Variants in ANAPC5 observed in about 807,000 individuals in gnomAD.
ANAPC5 encodes the protein anaphase-promoting complex subunit 5.
In ANAPC5, 60 loss-of-function variants were observed where a neutral mutation model predicts 91.3. The observed-to-expected ratio is 0.66, with a 90% CI of 0.53 to 0.81. The LOEUF (loss-of-function observed/expected upper bound fraction) is 0.81, where lower values mean the gene tolerates loss of function less well. Ranked by LOEUF, ANAPC5 falls within the 40% of genes least tolerant of loss-of-function variation. The pLI is 0.00. For synonymous variants in ANAPC5, 340 were observed against 364.1 expected (o/e 0.93, Z 0.75); for missense variants, 690 against 931.5 (o/e 0.74, Z 3.37).
intron 15 of ANAPC5, among the ~76,000 whole-genome samples, chr12:121,317,668 G>A (rs1053806475): frequency 6.6e-6 from 1 of 152,244 alleles, no homozygotes; most frequent in African/African-American, 2.4e-5. Context: ...AAGGCCTCAG[G>A]TACGAAGATA....
intron 1 of ANAPC5, among the ~76,000 whole-genome samples, chr12:121,350,352 T>C (rs1340464806): frequency 2.0e-5 from 3 of 152,208 alleles, no homozygotes; most frequent in African/African-American, 7.2e-5. Context: ...CAACAGACAA[T>C]GCTTATCCAT....
chr12:121,332,748 G>C (rs1310582597), intron 7 of ANAPC5: 4 of 152,106 alleles, frequency 2.6e-5, no homozygotes, highest in Non-Finnish European at 5.9e-5. Flanking sequence ...GCCTGGGCCT[G>C]AGTAAATCAG....
In ANAPC5 at chr12:121,320,393, G is replaced by T. The variant is rs1049230924; in HGVS notation, c.1507C>A (p.His503Asn). Residue 503 changes from histidine (H) to asparagine (N), a missense_variant, in exon 12 of 17, where the codon CAC (histidine) becomes AAC (asparagine). By Grantham distance (68) the His-to-Asn change is moderately conservative. This residue lies in a region of ANAPC5 where 317 missense variants were observed against 438.7 expected (regional missense o/e 0.72). Coordinates refer to ENST00000261819, the MANE Select transcript of ANAPC5 (RefSeq NM_016237.5). The part of the protein sequence containing the change: ...LKERFPPNSQ[H>N]AQLWMLCDQK... ...TGCAAAAGGCAGATTACCTGGGCGT[G>T]CTGACTATTAGGCGGAAATCGTTCC... 2 of 1,613,442 alleles carry T rather than the reference G, an allele frequency of 1.2e-6. No individual in the cohort carries two copies. The highest frequency in any genetic ancestry group is 2.2e-5 in the South Asian group (2 of 91,020).
At chr12:121,315,841 T>A (rs536836503) in intron 15 of ANAPC5, among the ~76,000 whole-genome samples, 3 of 152,228 alleles carry the variant, frequency 2.0e-5, no homozygotes, top group East Asian at 3.9e-4. Context: ...AAAACTATAA[T>A]ACTGTGAGAA....
chr12:121,331,240 C>T, intron 8 of ANAPC5, 107 bp downstream of exon 8: 2 of 876,708 alleles, frequency 2.3e-6, no homozygotes, highest in Non-Finnish European at 3.5e-6. Context: ...TTTCCTTTTG[C>T]TGCTGAAGAT....
At chr12:121,322,558 C>T (rs1402415472) in intron 11 of ANAPC5, among the ~76,000 whole-genome samples, 1 of 152,156 alleles carries the variant, frequency 6.6e-6, no homozygotes, top group Non-Finnish European at 1.5e-5. Context: ...TCAATAAATA[C>T]AAATTTATAT....
intron 10 of ANAPC5, 159 bp from the exon 11 acceptor site, chr12:121,327,390 T>C: frequency 1.2e-6 from 1 of 840,226 alleles, no homozygotes; most frequent in Non-Finnish European, 1.8e-6. Flanking sequence ...AACCTTGCCC[T>C]CAGGATAAGA....
intron 15 of ANAPC5, 63 bp downstream of exon 15, chr12:121,318,214 G>A (rs956990916): frequency 2.0e-5 from 29 of 1,432,116 alleles, no homozygotes; most frequent in Admixed American, 2.6e-5. Context: ...ATACTCAAAC[G>A]TAGTCACAGA....
chr12:121,319,927 C>A, intron 12 of ANAPC5, 109 bp from the exon 13 acceptor site: 2 of 1,114,864 alleles, frequency 1.8e-6, no homozygotes, highest in Non-Finnish European at 2.5e-6. Context: ...ATAATTCACA[C>A]ATATTCTTTT....
At chr12:121,331,706 G>A (rs1903048872) in intron 7 of ANAPC5, 1 of 237,676 alleles carries the variant, frequency 4.2e-6, no homozygotes, top group African/African-American at 2.2e-5. Context: ...TATTTTAAAG[G>A]TCCACTGCTG....
At chr12:121,327,305 T>C in intron 10 of ANAPC5, 74 bp from the exon 11 acceptor site, 1 of 1,572,472 alleles carries the variant, frequency 6.4e-7, no homozygotes, top group Admixed American at 1.9e-5. Context: ...CCGTCAGCTA[T>C]CTTGAGTGGA....
At chr12:121,322,607 T>A (rs536446580) in intron 11 of ANAPC5, among the ~76,000 whole-genome samples, 122 of 152,300 alleles carry the variant, frequency 8.0e-4, no homozygotes, top group African/African-American at 2.8e-3. Flanking sequence ...TTATGGTACA[T>A]GAAAATAATC....
chr12:121,352,718 T>TTGTTGTTGTTGGTGGTGGTGGTGC (rs71079056), upstream of ANAPC5, among the ~76,000 whole-genome samples: 1 of 102,348 alleles, frequency 9.8e-6, no homozygotes, highest in African/African-American at 2.8e-5. Context: ...GTTGTTGTTG[T>TTGTTGTTGTTGGTGGTGGTGGTGC]TGGTGGTGGT....
rs895270281 is a variant in ANAPC5 at position 121,308,384 on chromosome 12, T to C, written c.*96A>G. 1 of 928,600 alleles carries C rather than the reference T, an allele frequency of 1.1e-6. No individual in the cohort carries two copies. The highest frequency in any genetic ancestry group is 1.7e-6 in the Non-Finnish European group (1 of 592,210). 57.5% of individuals were successfully genotyped at this position (928,600 alleles called of 1,614,324 possible). A position where few individuals can be genotyped will look rare whatever the true frequency, so the allele number is the denominator to read the frequency against. ...ATCAGAATGCTGTTTATTGACAAGA[T>C]AGGGTGTCACAAATACATCATTTAT... On this transcript the variant is annotated 3_prime_UTR_variant, in exon 17 of 17. Transcript: ENST00000261819.
upstream of ANAPC5, among the ~76,000 whole-genome samples, chr12:121,354,051 C>T (rs903060992): frequency 2.0e-5 from 3 of 149,232 alleles, no homozygotes; most frequent in Non-Finnish European, 4.4e-5. Context: ...TACAGTCGCT[C>T]GATTTCGGCT....
At chr12:121,341,849 G>A (rs1200861179) in intron 5 of ANAPC5, among the ~76,000 whole-genome samples, 154 bp downstream of exon 5, 4 of 152,142 alleles carry the variant, frequency 2.6e-5, no homozygotes, top group South Asian at 2.1e-4. Context: ...CAAGTGCTTC[G>A]TTAGTGAGGC....
chr12:121,308,723 TAACTC>T (rs774105993), intron 16 of ANAPC5, 32 bp from the exon 17 acceptor site: 137 of 1,540,498 alleles, frequency 8.9e-5, no homozygotes, highest in Admixed American at 2.2e-4. Flanking sequence ...CACACACATT[TAACTC>T]AACCCTTCAC....
chr12:121,335,854 C>T, intron 6 of ANAPC5, 131 bp from the exon 7 acceptor site: 1 of 701,548 alleles, frequency 1.4e-6, no homozygotes, highest in East Asian at 3.0e-5. Context: ...CATAGTTTAG[C>T]TTAATCTTCT....
chr12:121,318,120 C>A, intron 15 of ANAPC5, 157 bp downstream of exon 15: 1 of 857,154 alleles, frequency 1.2e-6, no homozygotes, highest in Non-Finnish European at 1.6e-6. Flanking sequence ...CACACCTCCA[C>A]AGGCCTCCTT....
Sources: allele counts gnomAD v4.1 joint callset (sites outside exome capture counted in the v4.1 genomes callset), GRCh38; gene constraint gnomAD v4.1.1; regional missense constraint gnomAD v4.1.1; transcripts MANE v1.5; gene names NCBI Gene and HGNC (gene_info 2026-07-23, HGNC 2026-07-21).